Variants in LTBR observed in about 807,000 individuals in gnomAD.
LTBR encodes the protein tumor necrosis factor receptor superfamily member 3.
LTBR carries 15 observed loss-of-function variants against 45.4 expected under a neutral mutation model. That is an observed-to-expected ratio of 0.33 (90% CI 0.22 to 0.51). The LOEUF is 0.51. LTBR is among the 20% of genes least tolerant of loss of function. The probability of loss-of-function intolerance (pLI) is 0.97; values close to 1 mark genes in which losing one functional copy is unlikely to be tolerated. For missense variants in LTBR, 450 were observed against 565.5 expected (o/e 0.80, Z 2.07); for synonymous variants, 228 against 231.0 (o/e 0.99, Z 0.12).
At position 6,386,477 on chromosome 12, in the gene LTBR, G is replaced by GGC. The variant is rs34137817; in HGVS notation, c.667+33_667+34insGC. 6.4e-7 allele frequency: 1 copy of GGC among 1,563,066 alleles called. No homozygotes were observed. The highest frequency in any genetic ancestry group is 8.8e-7 in the Non-Finnish European group (1 of 1,135,610). ...ACCAGGGCTGAGGGACACGGGGGGG[G>GGC]CGCCTCTGAAAATGCCTTAATGCTC... On this transcript the variant is annotated intron_variant, in intron 6 of 9. Transcript: ENST00000228918. The surrounding 1 kb of genome is among the most constrained non-coding windows in gnomAD (Gnocchi z 4.1).
At chr12:6,379,657 A>G (rs371540405), upstream of LTBR, among the ~76,000 whole-genome samples, 8 of 152,228 alleles carry the variant, frequency 5.3e-5, no homozygotes, top group East Asian at 7.7e-4. Flanking sequence ...TTGGCCGGGC[A>G]TGGTGGCTCA....
chr12:6,386,510 TA>T lies in LTBR; in HGVS notation c.667+74del, dbSNP rs902865728. 1.1e-4 allele frequency: 138 copies of T among 1,229,046 alleles called. No individual in the cohort carries two copies. The highest frequency in any genetic ancestry group is 1.4e-4 in the Non-Finnish European group (118 of 857,104). 76.1% of individuals were successfully genotyped at this position (1,229,046 alleles called of 1,614,324 possible). ...GAAAATGCCTTAATGCTCCACATCTTAAAAAAAATGGGGAAAAGATGAACAC... is the reference window on the plus strand; with the variant it reads ...GAAAATGCCTTAATGCTCCACATCTTAAAAAAATGGGGAAAAGATGAACAC... On this transcript the variant is annotated intron_variant, in intron 6 of 9. Coordinates refer to ENST00000228918, the MANE Select transcript of LTBR (RefSeq NM_002342.3). This position sits in a 1 kb window ranked among gnomAD's most constrained non-coding sequence, Gnocchi z 4.1.
At chr12:6,385,414 A>G in intron 4 of LTBR, 35 bp downstream of exon 4, 1 of 1,610,150 alleles carries the variant, frequency 6.2e-7, no homozygotes, top group East Asian at 2.2e-5. Context: ...TGTGAAAAGG[A>G]GGCTGGGTGC....
At chr12:6,375,947 ACT>A (rs1341214883) in intron 1 of LTBR, 1 of 1,023,200 alleles carries the variant, frequency 9.8e-7, no homozygotes, top group Non-Finnish European at 1.2e-6. Context: ...GAGGAGGGGC[ACT>A]GAGTGAGTAG....
chr12:6,382,902 G>A (rs956195730), upstream of LTBR, among the ~76,000 whole-genome samples: 2 of 152,200 alleles, frequency 1.3e-5, no homozygotes, highest in Non-Finnish European at 2.9e-5. Context: ...AGGACTGCTG[G>A]AATGAGTTGG....
At chr12:6,381,088 CA>C (rs1287026395), upstream of LTBR, among the ~76,000 whole-genome samples, 3 of 152,126 alleles carry the variant, frequency 2.0e-5, no homozygotes, top group Admixed American at 1.3e-4. Flanking sequence ...CTAAGTCTTT[CA>C]AACAGAAGAA....
Position 6,386,544 on chromosome 12 carries a change from C to A in LTBR, c.667+100C>A. The A allele has an allele frequency of 1.1e-6, 1 of 915,952 alleles. No homozygotes were observed. The allele number at this position is 915,952 out of a possible 1,614,324, so 56.7% of individuals were successfully genotyped here. A position where few individuals can be genotyped will look rare whatever the true frequency, so the allele number is the denominator to read the frequency against. On this transcript the variant is annotated intron_variant, in intron 6 of 9. Transcript: ENST00000228918. The surrounding 1 kb of genome is among the most constrained non-coding windows in gnomAD (Gnocchi z 4.1). ...TGGGGAAAAGATGAACACTTCCCTC[C>A]CAGAATTGGGCAAGAAGAAAGTTCC...
At chr12:6,385,689 G>A (rs967342317) in intron 4 of LTBR, 16 of 404,408 alleles carry the variant, frequency 4.0e-5, no homozygotes, top group Admixed American at 7.8e-5. Flanking sequence ...GGCGGATCAC[G>A]AGGTCAGGAG....
rs375470015 is a variant in LTBR, at chr12:6,390,697, T to C, written c.1068T>C (p.Thr356=). The change falls in exon 10 of 10, where the codon ACT becomes ACC. Residue 356 remains threonine (T), a synonymous_variant. Transcript: ENST00000228918. The part of the protein sequence containing the change: ...NGIHVTGGSM[T]ITGNIYIYNG... ...TTCATGTCACCGGCGGGTCTATGAC[T>C]ATCACTGGCAACATCTACATCTACA... The C allele has an allele frequency of 4.5e-5, 67 of 1,498,068 alleles. No individual in the cohort carries two copies. The African/African-American group carries it at 8.0e-4, about 18-fold the overall frequency. The allele number at this position is 1,498,068 out of a possible 1,614,324, so 92.8% of individuals were successfully genotyped here.
At chr12:6,381,566 A>C (rs1948985144), upstream of LTBR, among the ~76,000 whole-genome samples, 1 of 152,246 alleles carries the variant, frequency 6.6e-6, no homozygotes. Flanking sequence ...GGCTGGCAGC[A>C]GAAAGAAACA....
chr12:6,377,769 G>T, intron 1 of LTBR: 1 of 812,358 alleles, frequency 1.2e-6, no homozygotes, highest in Non-Finnish European at 1.8e-6. Context: ...GCCAGCTCAT[G>T]CCTGAAATCC....
chr12:6,387,982 T>C (rs760590662), intron 6 of LTBR: 7 of 372,422 alleles, frequency 1.9e-5, no homozygotes. Context: ...GCCACAGAAA[T>C]GTGGCTCTAG....
chr12:6,384,982 C>G, intron 2 of LTBR, 40 bp from the exon 3 acceptor site: 2 of 1,613,214 alleles, frequency 1.2e-6, no homozygotes, highest in Non-Finnish European at 1.7e-6. Flanking sequence ...GAGGGTGGAG[C>G]CTCGTCTCCT....
At position 6,391,156 on chromosome 12, in the gene LTBR, G is replaced by A. The variant is rs921545956; in HGVS notation, c.*219G>A. 2.1e-4 allele frequency: 92 copies of A among 436,606 alleles called. No individual in the cohort carries two copies. The highest frequency in any genetic ancestry group is 3.2e-4 in the Non-Finnish European group (82 of 254,386). The allele number at this position is 436,606 out of a possible 1,614,324, so 27.0% of individuals were successfully genotyped here. On this transcript the variant is annotated 3_prime_UTR_variant, in exon 10 of 10. Coordinates refer to ENST00000228918, the MANE Select transcript of LTBR (RefSeq NM_002342.3). The stretch of plus-strand genomic sequence containing the variant: ...TGCCTGAGCAAACCTGAGGCCTCCC[G>A]GCAGACCCACCCACCCCCTGGGGCT...
upstream of LTBR, among the ~76,000 whole-genome samples, chr12:6,383,539 C>T (rs1039317088): frequency 6.6e-6 from 1 of 152,150 alleles, no homozygotes; most frequent in Non-Finnish European, 1.5e-5. Context: ...ATATCCTCCC[C>T]CTCTCTTTGG....
At chr12:6,378,926 T>C (rs149989520) in intron 1 of LTBR, among the ~76,000 whole-genome samples, 1 of 151,800 alleles carries the variant, frequency 6.6e-6, no homozygotes, top group Non-Finnish European at 1.5e-5. Flanking sequence ...CCATAAAATA[T>C]GCACGGCTGC....
At chr12:6,375,606 GGGGGGAGGGGCT>G in intron 1 of LTBR, 2 of 1,320,834 alleles carry the variant, frequency 1.5e-6, no homozygotes, top group Non-Finnish European at 1.0e-6. Context: ...TGAGCAGGGC[GGGGGGAGGGGCT>G]GAGGAGGAGT....
chr12:6,386,064 A>G lies in LTBR; in HGVS notation c.473-2A>G. 1 of 1,611,592 alleles carries G rather than the reference A, an allele frequency of 6.2e-7. No individual in the cohort carries two copies. Among genetic ancestry groups the G allele is most frequent in the Non-Finnish European group, 8.5e-7 (1 of 1,177,774 alleles). On this transcript the variant is annotated splice_acceptor_variant, in intron 4 of 9. Transcript: ENST00000228918. LOFTEE classifies it high-confidence loss of function. The surrounding 1 kb of genome is among the most constrained non-coding windows in gnomAD (Gnocchi z 4.1). ...CTGGCTGGCCTGCCTTTCTCTTGCC[A>G]GATGAAGTTGGGAAGGGTAACAACC...
chr12:6,390,620 G>A, intron 9 of LTBR, 40 bp from the exon 10 acceptor site: 1 of 1,496,520 alleles, frequency 6.7e-7, no homozygotes, highest in Non-Finnish European at 8.9e-7. Flanking sequence ...GCCTGAACTG[G>A]GGGCCTTCCT....
Sources: allele counts gnomAD v4.1 joint callset (sites outside exome capture counted in the v4.1 genomes callset), GRCh38; gene constraint gnomAD v4.1.1; non-coding constraint Gnocchi (gnomAD v3.1); transcripts MANE v1.5; gene names NCBI Gene and HGNC (gene_info 2026-07-23, HGNC 2026-07-21).